The following PHC3 variants were observed in gnomAD, a reference collection of about 807,000 sequenced individuals.
The protein encoded by PHC3 is polyhomeotic homolog 3, also known as polyhomeotic-like protein 3.
PHC3 carries 13 observed loss-of-function variants against 107.4 expected under a neutral mutation model. The ratio of observed to expected loss-of-function variants is 0.12; its 90% CI spans 0.08 to 0.19. The LOEUF is 0.19. PHC3 is among the 10% of genes least tolerant of loss of function. The pLI is 1.00. For synonymous variants in PHC3, 456 were observed against 427.4 expected, an observed-to-expected ratio of 1.07 and a Z score of -0.83; for missense variants, 992 against 1,210.9, an observed-to-expected ratio of 0.82 and a Z score of 2.68.
intron 1 of PHC3, among the ~76,000 whole-genome samples, chr3:170,180,993 C>T (rs1196634272): frequency 1.3e-5 from 2 of 152,218 alleles, no homozygotes; most frequent in African/African-American, 4.8e-5. Flanking sequence ...GCACAAGAGG[C>T]CTACCCAGGA....
chr3:170,181,540 C>G, intron 1 of PHC3, 162 bp downstream of exon 1: 2 of 1,045,970 alleles, frequency 1.9e-6, no homozygotes, highest in South Asian at 2.7e-5. Flanking sequence ...GTCTTCGCCC[C>G]GCGACACGGG....
At chr3:170,117,944 C>T (rs1049094629) in intron 9 of PHC3, among the ~76,000 whole-genome samples, 5 of 151,984 alleles carry the variant, frequency 3.3e-5, no homozygotes, top group Non-Finnish European at 7.4e-5. Context: ...GCCCAGGAGG[C>T]GGAGGCTGCA....
chr3:170,151,793 G>C (rs1726028324), intron 4 of PHC3, among the ~76,000 whole-genome samples: 3 of 152,226 alleles, frequency 2.0e-5, no homozygotes, highest in Admixed American at 2.0e-4. Flanking sequence ...GCTTACACCA[G>C]GTAGGGGTAT....
intron 6 of PHC3, among the ~76,000 whole-genome samples, chr3:170,140,787 G>A (rs1172570699): frequency 4.0e-5 from 6 of 150,488 alleles, no homozygotes; most frequent in Admixed American, 2.0e-4. Context: ...TAGTAGAGAC[G>A]GGATTTCACC....
chr3:170,124,309 T>C (rs1232475329), intron 8 of PHC3, among the ~76,000 whole-genome samples: 1 of 152,240 alleles, frequency 6.6e-6, no homozygotes, highest in Non-Finnish European at 1.5e-5. Context: ...CTTTTATCTA[T>C]AAAGCTTATT....
intron 6 of PHC3, among the ~76,000 whole-genome samples, chr3:170,137,030 A>T (rs1334974377): frequency 1.3e-5 from 2 of 152,204 alleles, no homozygotes; most frequent in African/African-American, 2.4e-5. Flanking sequence ...TGTGTGTATT[A>T]TATATGTATG....
At chr3:170,103,082 T>C (rs1014385952) in intron 12 of PHC3, 148 bp from the exon 13 acceptor site, 2 of 828,484 alleles carry the variant, frequency 2.4e-6, no homozygotes, top group African/African-American at 3.5e-5. Context: ...AACTACACTG[T>C]TCAATGGATT....
At chr3:170,111,258 A>G (rs1044167426) in intron 11 of PHC3, among the ~76,000 whole-genome samples, 7 of 139,596 alleles carry the variant, frequency 5.0e-5, no homozygotes, top group Non-Finnish European at 1.1e-4. Context: ...CTTTAAAACA[A>G]GAAGAAGGAA....
chr3:170,129,138 C>T lies in PHC3; in HGVS notation c.1334G>A (p.Gly445Glu). ...AGCAGTGGACTGCTGCAAATTTGGC[C>T]CTGGCTGGAGAGCTGATGACACAAG... Reference protein sequence around the residue: ...HPLVSSALQPGPNLQQSTANQ... With the variant: ...HPLVSSALQPEPNLQQSTANQ... The change falls in exon 8 of 15, where the codon GGG becomes GAG. Residue 445 changes from glycine (G) to glutamate (E), a missense_variant. Gly to Glu is a moderately conservative substitution (Grantham distance 98). This residue lies in a region of PHC3 where 543 missense variants were observed against 590.8 expected (regional missense o/e 0.92). Coordinates refer to ENST00000495893, the MANE Select transcript of PHC3 (RefSeq NM_024947.4). The T allele has an allele frequency of 6.2e-7, 1 of 1,613,644 alleles. No homozygotes were observed. The highest frequency in any genetic ancestry group is 8.5e-7 in the Non-Finnish European group (1 of 1,179,780).
intron 5 of PHC3, chr3:170,147,452 T>C (rs543062757): frequency 1.3e-5 from 2 of 152,286 alleles, no homozygotes; most frequent in African/African-American, 4.8e-5. Context: ...GAGCCCTCCA[T>C]ACCTATGGAA....
chr3:170,126,954 T>C (rs1454276567), intron 8 of PHC3, among the ~76,000 whole-genome samples: 1 of 151,908 alleles, frequency 6.6e-6, no homozygotes, highest in African/African-American at 2.4e-5. Context: ...TTAAATTGTA[T>C]TTTTTTTCTT....
At chr3:170,172,507 C>T in intron 3 of PHC3, 50 bp downstream of exon 3, 1 of 1,574,438 alleles carries the variant, frequency 6.4e-7, no homozygotes, top group Non-Finnish European at 8.6e-7. Flanking sequence ...TCAGTAACTA[C>T]CTACAGATAA....
chr3:170,160,156 G>C (rs1236013843), intron 4 of PHC3, among the ~76,000 whole-genome samples: 4 of 152,184 alleles, frequency 2.6e-5, no homozygotes, highest in Non-Finnish European at 5.9e-5. Flanking sequence ...CTGTCCTCAG[G>C]AATGTGGAAG....
Position 170,181,706 on chromosome 3 carries a change from C to T in PHC3, c.10G>A (p.Ala4Thr), listed in dbSNP as rs1200150595. The T allele has an allele frequency of 6.2e-7, 1 of 1,613,228 alleles. No homozygotes were observed. Among genetic ancestry groups the T allele is most frequent in the Admixed American group, 1.7e-5 (1 of 60,026 alleles). Reference protein sequence around the residue: MAEAEFKDHSTAMD... With the variant: MAETEFKDHSTAMD... ...AGTCACCATCTAGTCACTCACTCCG[C>T]TTCCGCCATCTTCTCTCCTCCATCA... is the stretch of plus-strand genomic sequence containing the variant. Residue 4 changes from alanine to threonine, a missense_variant, in exon 1 of 15, where the codon GCG becomes ACG. By Grantham distance (58) the Ala-to-Thr change is moderately conservative (BLOSUM62 0). Around this residue, in one of 6 missense-constraint regions of PHC3, gnomAD observed 161 missense variants for 183.7 expected, o/e 0.88. Transcript: ENST00000495893.
chr3:170,115,996 G>A (rs1297671963), intron 10 of PHC3, among the ~76,000 whole-genome samples: 1 of 151,586 alleles, frequency 6.6e-6, no homozygotes, highest in African/African-American at 2.4e-5. Context: ...GACTCAAAAG[G>A]CCTTCAAAAA....
At chr3:170,126,529 T>TATATATATATATATCTATA (rs1491097010) in intron 8 of PHC3, among the ~76,000 whole-genome samples, 15 of 39,982 alleles carry the variant, frequency 3.8e-4, no homozygotes, top group African/African-American at 1.2e-3. Context: ...TATATATATA[T>TATATATATATATATCTATA]TTTTTTTTTT....
intron 7 of PHC3, among the ~76,000 whole-genome samples, chr3:170,135,536 A>T (rs1722939256): frequency 6.6e-6 from 1 of 152,040 alleles, no homozygotes; most frequent in Non-Finnish European, 1.5e-5. Context: ...AACAATATAT[A>T]GTTATAGTGA....
chr3:170,150,885 A>G (rs1015987843), intron 4 of PHC3, among the ~76,000 whole-genome samples: 2 of 152,048 alleles, frequency 1.3e-5, no homozygotes, highest in Admixed American at 1.3e-4. Flanking sequence ...TTCTAATTTT[A>G]GACCACATGT....
rs34124911 is a variant in PHC3 at position 170,136,883 on chromosome 3, T to C, written c.673-218A>G. ...TTAAGTGGCAATTTTTTAAAAGACA[T>C]AAGAGAAAAGAAAAGAGGGAGGGAG... is the stretch of plus-strand genomic sequence containing the variant. On this transcript the variant is annotated intron_variant, in intron 6 of 14. Coordinates refer to ENST00000495893, the MANE Select transcript of PHC3 (RefSeq NM_024947.4). 0.43 allele frequency among the ~76,000 whole-genome samples: 58,482 copies of C among 137,344 alleles called. 11,793 individuals carry two copies. The highest frequency in any genetic ancestry group is 0.61 in the East Asian group (3,025 of 4,922). The allele number at this position is 137,344 out of a possible 152,430, so 90.1% of individuals were successfully genotyped here. A position where few individuals can be genotyped will look rare whatever the true frequency, so the allele number is the denominator to read the frequency against.
Sources: allele counts gnomAD v4.1 joint callset (sites outside exome capture counted in the v4.1 genomes callset), GRCh38; gene constraint gnomAD v4.1.1; regional missense constraint gnomAD v4.1.1; transcripts MANE v1.5; gene names NCBI Gene and HGNC (gene_info 2026-07-23, HGNC 2026-07-21).